The following OSBPL1A variants were observed in gnomAD, a reference collection of about 807,000 sequenced individuals.
OSBPL1A encodes the protein oxysterol binding protein like 1A, also known as oxysterol-binding protein-related protein 1.
In OSBPL1A, 80 loss-of-function variants were observed where a neutral mutation model predicts 137.1. The ratio of observed to expected loss-of-function variants is 0.58; its 90% CI spans 0.49 to 0.70. The LOEUF (loss-of-function observed/expected upper bound fraction) is 0.70. Ranked by LOEUF, OSBPL1A falls within the 30% of genes least tolerant of loss-of-function variation. The pLI is 0.00. For synonymous variants in OSBPL1A, 365 were observed against 389.7 expected, an observed-to-expected ratio of 0.94 and a Z score of 0.75; for missense variants, 970 against 1,129.4, an observed-to-expected ratio of 0.86 and a Z score of 2.02.
chr18:24,162,225 A>AATT lies in OSBPL1A; in HGVS notation c.*951_*953dup, dbSNP rs1435112717. The AATT allele has an allele frequency of 6.6e-6, 1 of 152,190 alleles. No homozygotes were observed. The highest frequency in any genetic ancestry group is 1.5e-5 in the Non-Finnish European group (1 of 68,044). The allele number at this position is 152,190 out of a possible 1,614,324, so 9.4% of individuals were successfully genotyped here. A position where few individuals can be genotyped will look rare whatever the true frequency, so the allele number is the denominator to read the frequency against. ...ATAAGATTTAAGATGAATGTGCCCC[A>AATT]ATTAAAGGGGCAAAACTACTGTACA... On this transcript the variant is annotated 3_prime_UTR_variant, in exon 28 of 28. Coordinates refer to ENST00000319481, the MANE Select transcript of OSBPL1A (RefSeq NM_080597.4).
intron 15 of OSBPL1A, among the ~76,000 whole-genome samples, chr18:24,247,590 G>C (rs2088938816): frequency 6.6e-6 from 1 of 152,138 alleles, no homozygotes; most frequent in African/African-American, 2.4e-5. Flanking sequence ...AGCCTCCCAA[G>C]GAGCTGGGAC....
intron 25 of OSBPL1A, among the ~76,000 whole-genome samples, 186 bp from the exon 26 acceptor site, chr18:24,166,888 C>G (rs1046124154): frequency 6.6e-6 from 1 of 152,116 alleles, no homozygotes; most frequent in Non-Finnish European, 1.5e-5. Context: ...GTGGGTATCT[C>G]TCAAAAAAAT....
At chr18:24,374,420 G>A (rs551970949) in intron 2 of OSBPL1A, among the ~76,000 whole-genome samples, 3 of 152,266 alleles carry the variant, frequency 2.0e-5, no homozygotes, top group South Asian at 4.1e-4. Context: ...GCTGAGACAC[G>A]TGGCTCTGGA....
rs1029039267 is a variant in OSBPL1A, at chr18:24,165,263, C to A, written c.2660-108G>T. The A allele has an allele frequency of 4.1e-6, 4 of 985,886 alleles. No individual in the cohort carries two copies. The African/African-American group carries it at 4.9e-5, about 12-fold the overall frequency. 61.1% of individuals were successfully genotyped at this position (985,886 alleles called of 1,614,324 possible). ...AAGAACCATATCTACATGTTATCTCCCTTTTATTAGAACACAAATACCAGA... is the reference window on the plus strand; with the variant it reads ...AAGAACCATATCTACATGTTATCTCACTTTTATTAGAACACAAATACCAGA... On this transcript the variant is annotated intron_variant, in intron 26 of 27. Transcript: ENST00000319481.
Position 24,240,306 on chromosome 18 carries a change from T to C in OSBPL1A, c.1282-924A>G, listed in dbSNP as rs2088652172. Among the ~76,000 whole-genome samples the C allele has an allele frequency of 2.6e-5, 4 of 152,250 alleles. No individual in the cohort carries two copies. In the South Asian group the frequency reaches 8.3e-4, roughly 32 times the overall value. On this transcript the variant is annotated intron_variant, in intron 15 of 27. Coordinates refer to ENST00000319481, the MANE Select transcript of OSBPL1A (RefSeq NM_080597.4). ...TAGTATACTAAAAAAGTCAAAAGAT[T>C]ATCAAAAAGGCAAAGCCTGGTTTGA...
At chr18:24,374,703 G>C (rs1905948407) in intron 2 of OSBPL1A, among the ~76,000 whole-genome samples, 1 of 152,190 alleles carries the variant, frequency 6.6e-6, no homozygotes, top group Non-Finnish European at 1.5e-5. Flanking sequence ...GCCTAGGCCA[G>C]GTGCCAGATG....
chr18:24,166,730 A>C, intron 25 of OSBPL1A, 28 bp from the exon 26 acceptor site: 2 of 1,601,044 alleles, frequency 1.2e-6, no homozygotes, highest in Non-Finnish European at 1.7e-6. Flanking sequence ...GAAGAAATTA[A>C]AATATGCCAA....
intron 1 of OSBPL1A, among the ~76,000 whole-genome samples, chr18:24,380,867 A>G (rs2146208554): frequency 6.6e-6 from 1 of 151,378 alleles, no homozygotes; most frequent in African/African-American, 2.4e-5. Flanking sequence ...CAGGAGAATC[A>G]CTTGAACCCA....
At chr18:24,391,722 T>C (rs1907373360) in intron 1 of OSBPL1A, among the ~76,000 whole-genome samples, 1 of 151,722 alleles carries the variant, frequency 6.6e-6, no homozygotes. Context: ...AGAATGAAAC[T>C]CTTTTTTAAA....
intron 16 of OSBPL1A, among the ~76,000 whole-genome samples, chr18:24,235,867 T>C (rs1599541080): frequency 6.6e-6 from 1 of 152,252 alleles, no homozygotes; most frequent in East Asian, 1.9e-4. Context: ...GTTACGTATA[T>C]TGAGATGGGG....
intron 14 of OSBPL1A, among the ~76,000 whole-genome samples, chr18:24,287,802 T>C (rs540892589): frequency 2.6e-4 from 39 of 151,248 alleles, no homozygotes; most frequent in Admixed American, 4.6e-4. Context: ...TAAAATAAAA[T>C]AAAATAAAAT....
chr18:24,276,921 G>A lies in OSBPL1A; in HGVS notation c.1281+3921C>T, dbSNP rs2089858112. ...GCCTGCACACACTGTAAACCCCCAA[G>A]ATTCTCATAGAGAGCCAGTTTACTC... On this transcript the variant is annotated intron_variant, in intron 15 of 27. Coordinates refer to ENST00000319481, the MANE Select transcript of OSBPL1A (RefSeq NM_080597.4). Among the ~76,000 whole-genome samples, 6 of 152,264 alleles carry A rather than the reference G, an allele frequency of 3.9e-5. No homozygotes were observed. The South Asian group carries it at 1.2e-3, about 32-fold the overall frequency.
At chr18:24,245,415 C>A (rs1231150872) in intron 15 of OSBPL1A, among the ~76,000 whole-genome samples, 1 of 152,150 alleles carries the variant, frequency 6.6e-6, no homozygotes, top group East Asian at 1.9e-4. Context: ...GGCTAGAGGA[C>A]CAACAATGTT....
At chr18:24,394,030 CT>C (rs1907558380) in intron 1 of OSBPL1A, among the ~76,000 whole-genome samples, 1 of 152,126 alleles carries the variant, frequency 6.6e-6, no homozygotes, top group Admixed American at 6.5e-5. Context: ...TTCAGTGAAA[CT>C]TTTTCTCTAA....
At chr18:24,207,870 G>A (rs776193781) in intron 17 of OSBPL1A, among the ~76,000 whole-genome samples, 7 of 151,940 alleles carry the variant, frequency 4.6e-5, no homozygotes, top group Non-Finnish European at 8.8e-5. Context: ...CTCAGCCTCC[G>A]GAGTAGCTGG....
rs752549442 is a variant in OSBPL1A, at chr18:24,366,900, C to A, written c.274G>T (p.Gly92Ter). Residue 92 changes from glycine (G) to a stop codon, truncating the protein, a stop_gained, in exon 4 of 28, where the codon GGA becomes TGA. Transcript: ENST00000319481. LOFTEE classifies it high-confidence loss of function. ...CATAGAATGATTTTCACCTTTCGTC[C>A]TGTAAAGGCAGCTCGATGAAGCGGC... is the stretch of plus-strand genomic sequence containing the variant. ...DTPLHRAAFT[G>*]RKELVMLLLE... The A allele has an allele frequency of 1.9e-6, 3 of 1,611,394 alleles. No individual in the cohort carries two copies. The highest frequency in any genetic ancestry group is 2.5e-6 in the Non-Finnish European group (3 of 1,178,782).
rs201837750 is a variant in OSBPL1A, at chr18:24,166,651, T to C, written c.2587A>G (p.Met863Val). 3.1e-6 allele frequency: 5 copies of C among 1,613,412 alleles called. No homozygotes were observed. Among genetic ancestry groups the C allele is most frequent in the Non-Finnish European group, 4.2e-6 (5 of 1,179,798 alleles). Residue 863 changes from methionine (M) to valine (V), a missense_variant, in exon 26 of 28, where the codon ATG becomes GTG. This residue lies in a region of OSBPL1A where 323 missense variants were observed against 456.8 expected (regional missense o/e 0.71). Coordinates refer to ENST00000319481, the MANE Select transcript of OSBPL1A (RefSeq NM_080597.4). ...TCTGTCTTGGGAATCACACTCTCCA[T>C]GTCTTTGTCTACTTCATTCAAAACC... Reference protein sequence around the residue: ...AMVLNEVDKDMESVIPKTDCR... With the variant: ...AMVLNEVDKDVESVIPKTDCR...
intron 18 of OSBPL1A, among the ~76,000 whole-genome samples, chr18:24,185,033 TG>T (rs1447928467): frequency 1.2e-4 from 18 of 152,180 alleles, no homozygotes; most frequent in African/African-American, 4.3e-4. Context: ...TGGAAAGACA[TG>T]GAGGAAACTT....
At position 24,332,917 on chromosome 18, in the gene OSBPL1A, C is replaced by T. The variant is rs148101929; in HGVS notation, c.625+25G>A. The T allele has an allele frequency of 4.8e-4, 769 of 1,605,582 alleles. 4 individuals are homozygous for T. In the African/African-American group the frequency reaches 9.5e-3, roughly 20 times the overall value. Reference sequence around the variant, plus strand: ...CATTTTATAATTTCAAAATGGCCAACGATGGTTTTCACCAATATGCTTACC... The same window carrying T: ...CATTTTATAATTTCAAAATGGCCAATGATGGTTTTCACCAATATGCTTACC... On this transcript the variant is annotated intron_variant, in intron 7 of 27. Coordinates refer to ENST00000319481, the MANE Select transcript of OSBPL1A (RefSeq NM_080597.4).
Sources: allele counts gnomAD v4.1 joint callset (sites outside exome capture counted in the v4.1 genomes callset), GRCh38; gene constraint gnomAD v4.1.1; regional missense constraint gnomAD v4.1.1; transcripts MANE v1.5; gene names NCBI Gene and HGNC (gene_info 2026-07-23, HGNC 2026-07-21).